The following FAM20B variants were observed in gnomAD, a reference collection of about 807,000 sequenced individuals.
FAM20B encodes FAM20B glycosaminoglycan xylosylkinase, also known as glycosaminoglycan xylosylkinase.
FAM20B carries 23 observed loss-of-function variants against 43.8 expected under a neutral mutation model. The ratio of observed to expected loss-of-function variants is 0.53; its 90% confidence interval spans 0.38 to 0.74. The LOEUF (loss-of-function observed/expected upper bound fraction) is 0.74, where lower values mean the gene tolerates loss of function less well. FAM20B is among the 30% of genes least tolerant of loss of function. The pLI, the probability that FAM20B is intolerant of heterozygous loss-of-function variation, is 0.00. For synonymous variants in FAM20B, 178 were observed against 192.4 expected (o/e 0.93, Z 0.62); for missense variants, 440 against 510.5 (o/e 0.86, Z 1.33).
chr1:179,072,134 C>CA lies in FAM20B; in HGVS notation c.1221dup (p.His408ThrfsTer9). 3 of 1,609,890 alleles carry CA rather than the reference C, an allele frequency of 1.9e-6. No homozygotes were observed. In the South Asian group the frequency reaches 3.3e-5, roughly 18 times the overall value. ...CTGGTGGAAGACAGGATGCCTCTCTCACACTTGTAATTCTCGACACAAAAT... is the reference window on the plus strand; with the variant it reads ...CTGGTGGAAGACAGGATGCCTCTCTCAACACTTGTAATTCTCGACACAAAAT... On this transcript the variant is annotated frameshift_variant, in exon 8 of 8. Transcript: ENST00000263733. LOFTEE classifies it high-confidence loss of function.
intron 1 of FAM20B, among the ~76,000 whole-genome samples, chr1:179,043,180 G>A (rs1650618657): frequency 6.6e-6 from 1 of 152,218 alleles, no homozygotes; most frequent in African/African-American, 2.4e-5. Flanking sequence ...ATGCTCATTG[G>A]TGCCCAAAGT....
intron 4 of FAM20B, among the ~76,000 whole-genome samples, chr1:179,063,217 C>G (rs150269600): frequency 0.022 from 3,386 of 152,066 alleles, 121 homozygotes; most frequent in African/African-American, 0.077. Context: ...GCAGAGGTTG[C>G]AGTGAGCCAA....
intron 6 of FAM20B, among the ~76,000 whole-genome samples, chr1:179,066,053 G>A (rs1651677162): frequency 6.6e-6 from 1 of 152,108 alleles, no homozygotes; most frequent in Non-Finnish European, 1.5e-5. Context: ...AATACTGTTG[G>A]ACTGTTGTAC....
chr1:179,062,669 A>G lies in FAM20B; in HGVS notation c.575-1258A>G, dbSNP rs537637671. Among the ~76,000 whole-genome samples, 5 of 152,062 alleles carry G rather than the reference A, an allele frequency of 3.3e-5. No homozygotes were observed. The East Asian group carries it at 9.7e-4, about 29-fold the overall frequency. On this transcript the variant is annotated intron_variant, in intron 4 of 7. Coordinates refer to ENST00000263733, the MANE Select transcript of FAM20B (RefSeq NM_014864.4). ...CATCTCAAAAAAAGAAAAACAAAAA[A>G]CAAACAAAAAAAAACACCCATCAAT...
chr1:179,038,652 G>A (rs1364788958), intron 1 of FAM20B, among the ~76,000 whole-genome samples: 1 of 152,148 alleles, frequency 6.6e-6, no homozygotes, highest in African/African-American at 2.4e-5. Context: ...AATGTTGTGT[G>A]GTTTAGGTTG....
In FAM20B at chr1:179,066,662, A is replaced by G. The variant is rs187344112; in HGVS notation, c.939-138A>G. ...ATTGGTCATGCCCCGCTTGTTTTCA[A>G]TTTAAGTGATTTGAGCTGCTGGAGC... On this transcript the variant is annotated intron_variant, in intron 6 of 7. Transcript: ENST00000263733. The G allele has an allele frequency of 1.3e-4, 86 of 652,162 alleles. 1 individual carries two copies. The highest frequency in any genetic ancestry group is 7.9e-4 in the Middle Eastern group (2 of 2,534). 40.4% of individuals were successfully genotyped at this position (652,162 alleles called of 1,614,324 possible).
intron 1 of FAM20B, among the ~76,000 whole-genome samples, chr1:179,037,760 T>C (rs1354700958): frequency 6.6e-6 from 1 of 152,136 alleles, no homozygotes; most frequent in Non-Finnish European, 1.5e-5. Flanking sequence ...GTGTTGGGAT[T>C]ACAGGCGTGA....
intron 1 of FAM20B, among the ~76,000 whole-genome samples, 169 bp downstream of exon 1, chr1:179,026,267 C>G (rs1459366134): frequency 6.6e-6 from 1 of 151,198 alleles, no homozygotes; most frequent in Admixed American, 6.6e-5. Flanking sequence ...TGCCCTGAGC[C>G]GTCCCCGAGT....
Position 179,073,181 on chromosome 1 carries a change from C to A in FAM20B, c.*1037C>A, listed in dbSNP as rs72709441. The A allele has an allele frequency of 2.0e-5, 3 of 151,984 alleles. No individual in the cohort carries two copies. The highest frequency in any genetic ancestry group is 7.2e-5 in the African/African-American group (3 of 41,430). The allele number at this position is 151,984 out of a possible 1,614,324, so 9.4% of individuals were successfully genotyped here. On this transcript the variant is annotated 3_prime_UTR_variant, in exon 8 of 8. Transcript: ENST00000263733. ...CCAAGAGATCGGCAACCTTTTTGTC[C>A]CTTTCTCATAAGAAAGGGACACTCC...
chr1:179,064,731 C>T (rs1651619616), intron 6 of FAM20B, among the ~76,000 whole-genome samples: 1 of 152,194 alleles, frequency 6.6e-6, no homozygotes, highest in Non-Finnish European at 1.5e-5. Flanking sequence ...TGAGCCTCTT[C>T]TCAGACAACT....
At chr1:179,047,871 T>C (rs1273309918) in intron 2 of FAM20B, among the ~76,000 whole-genome samples, 2 of 152,242 alleles carry the variant, frequency 1.3e-5, no homozygotes. Flanking sequence ...GTATGAATTT[T>C]GCTGCTCTGT....
rs772294882 is a variant in FAM20B at position 179,043,834 on chromosome 1, G to C, written c.-14G>C. 2.5e-6 allele frequency: 4 copies of C among 1,575,954 alleles called. No homozygotes were observed. The highest frequency in any genetic ancestry group is 2.7e-5 in the African/African-American group (2 of 74,338). On this transcript the variant is annotated 5_prime_UTR_variant, in exon 2 of 8. Transcript: ENST00000263733. ...GAGCAAGAGTGGGTCAGGGGAGAAG[G>C]AAAAGAGGTCAACATGAAGCTAAAG...
intron 1 of FAM20B, chr1:179,035,242 G>T: frequency 2.0e-6 from 1 of 490,206 alleles, no homozygotes; most frequent in Non-Finnish European, 3.8e-6. Flanking sequence ...TTTTTTTTAA[G>T]TACAATTTCC....
chr1:179,048,847 G>A (rs955935204), intron 2 of FAM20B, among the ~76,000 whole-genome samples: 2 of 152,134 alleles, frequency 1.3e-5, no homozygotes, highest in Non-Finnish European at 2.9e-5. Flanking sequence ...TATATTTTGT[G>A]GATATGATTT....
chr1:179,029,838 T>C (rs896483019), intron 1 of FAM20B, among the ~76,000 whole-genome samples: 3 of 152,232 alleles, frequency 2.0e-5, no homozygotes, highest in Non-Finnish European at 4.4e-5. Flanking sequence ...GAAAATTTTA[T>C]TTTAGCTATA....
At chr1:179,034,000 C>T (rs1288453020) in intron 1 of FAM20B, among the ~76,000 whole-genome samples, 3 of 152,116 alleles carry the variant, frequency 2.0e-5, no homozygotes, top group African/African-American at 7.2e-5. Context: ...CCTGTTATTT[C>T]TTATAATTAT....
At chr1:179,029,387 G>A (rs1181615762) in intron 1 of FAM20B, among the ~76,000 whole-genome samples, 2 of 152,210 alleles carry the variant, frequency 1.3e-5, no homozygotes, top group Non-Finnish European at 2.9e-5. Context: ...AACTTACAAT[G>A]TCAGCATGAC....
rs147708496 is a variant in FAM20B, at chr1:179,063,183, G to A, written c.575-744G>A. Among the ~76,000 whole-genome samples, 1,176 of 151,976 alleles carry A rather than the reference G, an allele frequency of 7.7e-3. 13 individuals are homozygous for A. Among genetic ancestry groups the A allele is most frequent in the African/African-American group, 0.027 (1,109 of 41,454 alleles). On this transcript the variant is annotated intron_variant, in intron 4 of 7. Coordinates refer to ENST00000263733, the MANE Select transcript of FAM20B (RefSeq NM_014864.4). ...TCCTAGCTACTCAGGAGGCTGAGAC[G>A]GAAGAATTGCTTGAACCTGGGAGGC... is the stretch of plus-strand genomic sequence containing the variant.
chr1:179,041,761 AGG>A (rs1404223851), intron 1 of FAM20B, among the ~76,000 whole-genome samples: 1 of 151,402 alleles, frequency 6.6e-6, no homozygotes, highest in African/African-American at 2.4e-5. Flanking sequence ...GAAAGGGGAG[AGG>A]GGAGAGGGAA....
Sources: gnomAD v4.1 joint callset for allele counts (sites outside exome capture counted in the v4.1 genomes callset) on GRCh38, gnomAD v4.1.1 for gene constraint, MANE v1.5 for transcripts, NCBI Gene and HGNC (gene_info 2026-07-23, HGNC 2026-07-21) for gene names.